ZMYM2: variants seen among roughly 807,000 people sequenced by gnomAD.
The protein encoded by ZMYM2 is zinc finger MYM-type containing 2.
ZMYM2 carries 56 observed loss-of-function variants against 162.8 expected under a neutral mutation model. That is an observed-to-expected ratio of 0.34 (90% CI 0.28 to 0.43). The LOEUF (loss-of-function observed/expected upper bound fraction) is 0.43, where lower values mean the gene tolerates loss of function less well. Ranked by LOEUF, ZMYM2 falls within the 20% of genes least tolerant of loss-of-function variation. The pLI is 1.00. For synonymous variants in ZMYM2, 510 were observed against 541.6 expected (o/e 0.94, Z 0.81); for missense variants, 1,275 against 1,621.8 (o/e 0.79, Z 3.67).
At chr13:20,013,636 C>T (rs1566296429) in intron 6 of ZMYM2, among the ~76,000 whole-genome samples, 1 of 151,932 alleles carries the variant, frequency 6.6e-6, no homozygotes, top group Non-Finnish European at 1.5e-5. Flanking sequence ...TTTTTTTAAT[C>T]ATAAAAAGGT....
chr13:20,055,504 T>C (rs2140662046), intron 14 of ZMYM2, among the ~76,000 whole-genome samples: 1 of 152,280 alleles, frequency 6.6e-6, no homozygotes, highest in Non-Finnish European at 1.5e-5. Context: ...TTTTTGTTGT[T>C]TAGAAGGGCC....
At chr13:20,042,251 C>T (rs536659218) in intron 12 of ZMYM2, among the ~76,000 whole-genome samples, 5 of 152,072 alleles carry the variant, frequency 3.3e-5, no homozygotes, top group Non-Finnish European at 5.9e-5. Flanking sequence ...AGGTTTTGCT[C>T]GTTCCTTTTT....
chr13:19,874,317 T>C, the ZMYM2 span, among the ~76,000 whole-genome samples: 1 of 152,142 alleles, frequency 6.6e-6, no homozygotes, highest in Non-Finnish European at 1.5e-5. Context: ...ACTCCTGAAC[T>C]CAAGGGATCC....
the ZMYM2 span, among the ~76,000 whole-genome samples, chr13:19,878,520 T>TCC: frequency 2.7e-4 from 4 of 14,692 alleles, no homozygotes; most frequent in African/African-American, 3.3e-4. Context: ...CTTTGCCCTT[T>TCC]TTTTTTTTTT....
At chr13:19,964,905 T>C (rs1244881014) in intron 2 of ZMYM2, among the ~76,000 whole-genome samples, 2 of 152,230 alleles carry the variant, frequency 1.3e-5, no homozygotes, top group Non-Finnish European at 2.9e-5. Flanking sequence ...CAACTTCATA[T>C]GCAAATGTTG....
chr13:19,942,896 T>C, the ZMYM2 span, among the ~76,000 whole-genome samples: 453 of 152,274 alleles, frequency 3.0e-3, 4 homozygotes, highest in African/African-American at 0.01. Context: ...CCATCTCAAT[T>C]ATTTTTAATT....
At chr13:19,922,229 A>T in the ZMYM2 span, among the ~76,000 whole-genome samples, 1 of 151,972 alleles carries the variant, frequency 6.6e-6, no homozygotes, top group South Asian at 2.1e-4. Flanking sequence ...GTGGATTTTT[A>T]AAGGGGGAAA....
chr13:19,976,555 A>C (rs1428172464), intron 2 of ZMYM2, among the ~76,000 whole-genome samples: 2 of 152,332 alleles, frequency 1.3e-5, no homozygotes, highest in East Asian at 3.9e-4. Flanking sequence ...CGTATTAAAC[A>C]ACAGTTCCCC....
rs35941536 is a variant in ZMYM2, at chr13:20,086,771, G to GTATATA, written c.*780_*785dup. 751 of 133,748 alleles carry GTATATA rather than the reference G, an allele frequency of 5.6e-3. 5 individuals carry two copies. The highest frequency in any genetic ancestry group is 1.0e-2 in the East Asian group (45 of 4,516). The allele number at this position is 133,748 out of a possible 1,614,324, so 8.3% of individuals were successfully genotyped here. ...TATATATATGTATGTATGTGTGTGT[G>GTATATA]TATATATATATATATATATATATAT... On this transcript the variant is annotated 3_prime_UTR_variant, in exon 25 of 25. Coordinates refer to ENST00000610343, the MANE Select transcript of ZMYM2 (RefSeq NM_197968.4).
At chr13:19,881,422 G>T in the ZMYM2 span, among the ~76,000 whole-genome samples, 1 of 151,630 alleles carries the variant, frequency 6.6e-6, no homozygotes, top group African/African-American at 2.4e-5. Flanking sequence ...AGGAGTTTGA[G>T]AACAGCCTAG....
the ZMYM2 span, among the ~76,000 whole-genome samples, chr13:19,885,199 A>C: frequency 6.6e-6 from 1 of 152,172 alleles, no homozygotes; most frequent in African/African-American, 2.4e-5. Flanking sequence ...GCTGCAGCCC[A>C]GGAGGTCCAG....
chr13:20,059,352 T>G, intron 15 of ZMYM2, 95 bp from the exon 16 acceptor site: 1 of 1,321,468 alleles, frequency 7.6e-7, no homozygotes, highest in Non-Finnish European at 1.0e-6. Flanking sequence ...GGTACTGAGG[T>G]AGTTAAATTT....
Position 20,046,554 on chromosome 13 carries a change from T to TAAAAA in ZMYM2, c.2293-4872_2293-4868dup, listed in dbSNP as rs137929093. 7.9e-5 allele frequency among the ~76,000 whole-genome samples: 6 copies of TAAAAA among 76,388 alleles called. No homozygotes were observed. In the South Asian group the frequency reaches 1.4e-3, roughly 18 times the overall value. 50.1% of individuals were successfully genotyped at this position (76,388 alleles called of 152,430 possible). A position where few individuals can be genotyped will look rare whatever the true frequency, so the allele number is the denominator to read the frequency against. ...GGGGGACACAGTAAGACTTTGTCTC[T>TAAAAA]AAAAAAAAAAATATATATATATATA... On this transcript the variant is annotated intron_variant, in intron 12 of 24. Transcript: ENST00000610343.
intron 12 of ZMYM2, among the ~76,000 whole-genome samples, chr13:20,039,965 G>A (rs569888319): frequency 2.0e-5 from 3 of 152,274 alleles, no homozygotes; most frequent in African/African-American, 4.8e-5. Flanking sequence ...AAGCCTTTTC[G>A]ATGTGCTGCT....
the ZMYM2 span, among the ~76,000 whole-genome samples, chr13:19,878,687 AATTTTTAT>A: frequency 5.3e-5 from 8 of 151,788 alleles, no homozygotes; most frequent in East Asian, 2.0e-4. Flanking sequence ...ATGCCTGGCT[AATTTTTAT>A]ATTTTTAGTA....
intron 13 of ZMYM2, 36 bp from the exon 14 acceptor site, chr13:20,052,241 T>C: frequency 6.6e-7 from 1 of 1,505,396 alleles, no homozygotes. Context: ...GAAGAAAGAG[T>C]ATTTGTCTTA....
intron 21 of ZMYM2, among the ~76,000 whole-genome samples, chr13:20,072,636 TCAC>T (rs1415613571): frequency 1.3e-5 from 2 of 152,216 alleles, no homozygotes; most frequent in Non-Finnish European, 2.9e-5. Flanking sequence ...GCAATAGAAT[TCAC>T]CAGTGAAGCC....
chr13:20,026,399 A>T (rs1952584281), intron 7 of ZMYM2: 2 of 409,378 alleles, frequency 4.9e-6, no homozygotes, highest in Non-Finnish European at 8.6e-6. Flanking sequence ...TCTGTTTTTG[A>T]AGGCGACTTA....
At position 20,082,052 on chromosome 13, in the gene ZMYM2, A is replaced by C. The variant is rs751744806; in HGVS notation, c.3490A>C (p.Ile1164Leu). ...AAGTAATCGAAAAGACAACATATTT[A>C]TTGATCCTGGATACCAAACATTTGA... is the stretch of plus-strand genomic sequence containing the variant. ...CGSNRKDNIF[I>L]DPGYQTFEQE... The change falls in exon 22 of 25, where the codon ATT becomes CTT. Residue 1164 changes from isoleucine (I) to leucine (L), a missense_variant. Around this residue, in one of 10 missense-constraint regions of ZMYM2, gnomAD observed 103 missense variants for 192.2 expected, o/e 0.54. Coordinates refer to ENST00000610343, the MANE Select transcript of ZMYM2 (RefSeq NM_197968.4). The C allele has an allele frequency of 1.0e-5, 16 of 1,601,572 alleles. No individual in the cohort carries two copies. The highest frequency in any genetic ancestry group is 1.4e-5 in the Non-Finnish European group (16 of 1,176,386).
Sources: gnomAD v4.1 joint callset for allele counts (sites outside exome capture counted in the v4.1 genomes callset) on GRCh38, gnomAD v4.1.1 for gene constraint, gnomAD v4.1.1 regional missense constraint, MANE v1.5 for transcripts, NCBI Gene and HGNC (gene_info 2026-07-23, HGNC 2026-07-21) for gene names.